Variants in MCF2L observed in about 807,000 individuals in gnomAD.
MCF2L encodes the protein guanine nucleotide exchange factor DBS.
In MCF2L, 97 loss-of-function variants were observed where a neutral mutation model predicts 153.4. The ratio of observed to expected loss-of-function variants is 0.63; its 90% CI spans 0.54 to 0.75. The LOEUF (loss-of-function observed/expected upper bound fraction) is 0.75. MCF2L is among the 30% of genes least tolerant of loss of function. MCF2L has a pLI of 0.00. For missense variants in MCF2L, 1,347 were observed against 1,495.2 expected, an observed-to-expected ratio of 0.90 and a Z score of 1.64; for synonymous variants, 659 against 632.2, an observed-to-expected ratio of 1.04 and a Z score of -0.64.
chr13:112,994,635 G>C (rs1257244815), intron 1 of MCF2L, among the ~76,000 whole-genome samples: 1 of 152,266 alleles, frequency 6.6e-6, no homozygotes. Flanking sequence ...TGTGTGGAGA[G>C]CCGGGAAGCC....
intron 2 of MCF2L, among the ~76,000 whole-genome samples, chr13:113,020,466 C>G (rs75581632): frequency 6.6e-6 from 1 of 152,222 alleles, no homozygotes; most frequent in Non-Finnish European, 1.5e-5. Context: ...ACAAAGTCCC[C>G]TAGACTGAGT....
At chr13:112,980,523 G>A (rs536943450) in intron 1 of MCF2L, among the ~76,000 whole-genome samples, 1 of 151,712 alleles carries the variant, frequency 6.6e-6, no homozygotes, top group East Asian at 1.9e-4. Context: ...GGGCGTCAGG[G>A]AGAGGAAAGG....
chr13:112,942,465 C>T (rs1028936200), intron 2 of MCF2L, among the ~76,000 whole-genome samples: 4 of 152,172 alleles, frequency 2.6e-5, no homozygotes, highest in African/African-American at 7.2e-5. Context: ...TTCGGGGCCA[C>T]TACCAGTCTC....
intron 2 of MCF2L, among the ~76,000 whole-genome samples, chr13:113,022,752 A>C (rs567257885): frequency 6.6e-6 from 1 of 152,304 alleles, no homozygotes; most frequent in African/African-American, 2.4e-5. Flanking sequence ...GCCACATCCC[A>C]GGGGGCTTTG....
At chr13:112,947,959 C>T (rs1285750295) in intron 2 of MCF2L, among the ~76,000 whole-genome samples, 1 of 152,234 alleles carries the variant, frequency 6.6e-6, no homozygotes. Flanking sequence ...ACTCTGTGTG[C>T]CTGCAGAATT....
intron 5 of MCF2L, among the ~76,000 whole-genome samples, chr13:113,061,223 G>A (rs1175513584): frequency 2.0e-5 from 3 of 152,070 alleles, no homozygotes; most frequent in East Asian, 1.9e-4. Context: ...CTGCCCCATC[G>A]CCACCACACT....
At chr13:112,991,191 C>T (rs1427001275) in intron 1 of MCF2L, among the ~76,000 whole-genome samples, 1 of 152,196 alleles carries the variant, frequency 6.6e-6, no homozygotes, top group Non-Finnish European at 1.5e-5. Flanking sequence ...CTGCGAAATC[C>T]GGCCGCCTGC....
chr13:113,082,380 C>A (rs1184042028), intron 16 of MCF2L, 47 bp from the exon 17 acceptor site: 4 of 1,156,084 alleles, frequency 3.5e-6, no homozygotes, highest in South Asian at 1.2e-5. Flanking sequence ...TGCCCCCCCA[C>A]AGCATCAGGC....
rs116625342 is a variant in MCF2L at position 113,023,156 on chromosome 13, C to T, written c.164-1488C>T. 3.0e-3 allele frequency among the ~76,000 whole-genome samples: 461 copies of T among 152,358 alleles called. 2 individuals are homozygous for T. The highest frequency in any genetic ancestry group is 0.011 in the African/African-American group (447 of 41,586). On this transcript the variant is annotated intron_variant, in intron 2 of 29. Coordinates refer to ENST00000535094, the MANE Select transcript of MCF2L (RefSeq NM_001112732.3). ...CACGGTGTGTGGACGCCCCTCGGCT[C>T]AGCCCTCTAAGAGACTCGGCAGCCA...
At chr13:113,071,919 C>T (rs1360084073) in intron 9 of MCF2L, among the ~76,000 whole-genome samples, 2 of 152,180 alleles carry the variant, frequency 1.3e-5, no homozygotes, top group Non-Finnish European at 2.9e-5. Flanking sequence ...CTGGGGTTTT[C>T]ATAGGAGTTG....
chr13:113,094,779 C>G (rs2035509639), intron 27 of MCF2L, 144 bp downstream of exon 27: 15 of 1,181,060 alleles, frequency 1.3e-5, no homozygotes, highest in Non-Finnish European at 1.8e-5. Flanking sequence ...GGGCCTGGGT[C>G]TTACGGGCAG....
In MCF2L at chr13:113,091,175, C is replaced by T. The variant is rs149763276; in HGVS notation, c.2953+1447C>T. On this transcript the variant is annotated intron_variant, in intron 26 of 29. Coordinates refer to ENST00000535094, the MANE Select transcript of MCF2L (RefSeq NM_001112732.3). ...AAGCGGCATGAAGTAAAGAGCGACC[C>T]GACTCCCTTTGGTGTGCGAGGTAGA... The T allele has an allele frequency of 8.9e-4, 1,166 of 1,304,410 alleles. 2 individuals are homozygous for T. The highest frequency in any genetic ancestry group is 2.6e-3 in the Middle Eastern group (12 of 4,698). The allele number at this position is 1,304,410 out of a possible 1,614,324, so 80.8% of individuals were successfully genotyped here. A position where few individuals can be genotyped will look rare whatever the true frequency, so the allele number is the denominator to read the frequency against.
chr13:113,010,773 G>A (rs2084041390), intron 1 of MCF2L, among the ~76,000 whole-genome samples: 2 of 152,058 alleles, frequency 1.3e-5, no homozygotes, highest in Non-Finnish European at 1.5e-5. Flanking sequence ...GGCTCAGTGA[G>A]GGAGCTGGGC....
intron 1 of MCF2L, among the ~76,000 whole-genome samples, chr13:112,999,433 A>C (rs1184878616): frequency 6.6e-6 from 1 of 152,138 alleles, no homozygotes; most frequent in African/African-American, 2.4e-5. Flanking sequence ...CCGCTCACTC[A>C]CTGTCCCTCT....
intron 8 of MCF2L, among the ~76,000 whole-genome samples, chr13:113,067,232 C>T (rs2032517417): frequency 6.6e-6 from 1 of 151,560 alleles, no homozygotes; most frequent in Non-Finnish European, 1.5e-5. Context: ...CGCAGTGAGC[C>T]GAGATTGCAC....
Position 113,098,885 on chromosome 13 carries a change from G to C in MCF2L, c.*2026G>C, listed in dbSNP as rs2035819038. On this transcript the variant is annotated 3_prime_UTR_variant, in exon 30 of 30. Transcript: ENST00000535094. ...GTATTGATCCAATAGAAGAAGGGAA[G>C]GGTGGAGAAAGGGGAAAGCATGGTT... 1 of 152,356 alleles carries C rather than the reference G, an allele frequency of 6.6e-6. No individual in the cohort carries two copies. Among genetic ancestry groups the C allele is most frequent in the Non-Finnish European group, 1.5e-5 (1 of 68,090 alleles). 9.4% of individuals were successfully genotyped at this position (152,356 alleles called of 1,614,324 possible). A position where few individuals can be genotyped will look rare whatever the true frequency, so the allele number is the denominator to read the frequency against.
chr13:113,022,799 C>T (rs191389713), intron 2 of MCF2L, among the ~76,000 whole-genome samples: 1 of 152,238 alleles, frequency 6.6e-6, no homozygotes, highest in African/African-American at 2.4e-5. Flanking sequence ...GGAGGCTTGT[C>T]GTACTCGCAC....
At chr13:113,062,063 G>A (rs1303933526) in intron 5 of MCF2L, among the ~76,000 whole-genome samples, 1 of 150,462 alleles carries the variant, frequency 6.6e-6, no homozygotes, top group Non-Finnish European at 1.5e-5. Flanking sequence ...CTGTGCCATC[G>A]TGCTTTGGTG....
rs182482659 is a variant in MCF2L, at chr13:112,904,164, G to A, written c.169+1793G>A. On this transcript the variant is annotated intron_variant, in intron 2 of 29. Transcript: ENST00000375608. The surrounding 1 kb of genome is among the most constrained non-coding windows in gnomAD (Gnocchi z 4.2). The stretch of plus-strand genomic sequence containing the variant: ...GGGTTAGAGGTTAAGGTTAGGGTTA[G>A]GGGTTGGGACTGGGGTAGGGGTAGG... Among the ~76,000 whole-genome samples the A allele has an allele frequency of 6.6e-5, 10 of 152,266 alleles. No individual in the cohort carries two copies. The East Asian group carries it at 1.9e-3, about 29-fold the overall frequency.
Sources: gnomAD v4.1 joint callset for allele counts (sites outside exome capture counted in the v4.1 genomes callset) on GRCh38, gnomAD v4.1.1 for gene constraint, Gnocchi (gnomAD v3.1) non-coding constraint, MANE v1.5 for transcripts, NCBI Gene and HGNC (gene_info 2026-07-23, HGNC 2026-07-21) for gene names.